Variants in RFK observed in about 807,000 individuals in gnomAD.
RFK encodes 0610038L10Rik.
Under a neutral mutation model 17.6 loss-of-function variants are expected in RFK, and 4 were observed. That is an observed-to-expected ratio of 0.23 (90% confidence interval 0.11 to 0.52). RFK has a LOEUF of 0.52. Ranked by LOEUF, RFK falls within the 20% of genes least tolerant of loss-of-function variation. The probability of loss-of-function intolerance (pLI) is 0.96; values close to 1 mark genes in which losing one functional copy is unlikely to be tolerated. For missense variants in RFK, 189 were observed against 187.7 expected (o/e 1.01, Z -0.04); for synonymous variants, 59 against 63.8 (o/e 0.92, Z 0.36).
At chr9:76,391,086 G>A (rs1822814347) in intron 2 of RFK, among the ~76,000 whole-genome samples, 1 of 152,150 alleles carries the variant, frequency 6.6e-6, no homozygotes, top group Non-Finnish European at 1.5e-5. Flanking sequence ...TCATTCAACA[G>A]AATGGTATTT....
At position 76,389,759 on chromosome 9, in the gene RFK, G is replaced by A. The variant is rs1167535347; in HGVS notation, c.235-1103C>T. Among the ~76,000 whole-genome samples, 5 of 152,104 alleles carry A rather than the reference G, an allele frequency of 3.3e-5. No individual in the cohort carries two copies. In the South Asian group the frequency reaches 8.3e-4, roughly 25 times the overall value. On this transcript the variant is annotated intron_variant, in intron 2 of 3. Transcript: ENST00000376736. ...ACTCTAGCCTTGGCGACAGAGCGAA[G>A]ACTCCATCTCAAAAAAAAATTTAAA... is the stretch of plus-strand genomic sequence containing the variant.
intron 1 of RFK, among the ~76,000 whole-genome samples, chr9:76,392,993 G>A (rs1035810117): frequency 5.3e-5 from 8 of 152,142 alleles, no homozygotes; most frequent in African/African-American, 1.9e-4. Context: ...AACTTTGCCT[G>A]TAAGTATCAA....
intron 1 of RFK, 190 bp downstream of exon 1, chr9:76,393,900 G>T: frequency 1.7e-6 from 1 of 575,664 alleles, no homozygotes; most frequent in East Asian, 3.2e-5. Context: ...CTCGGAGCCA[G>T]AAGCAGGGAC....
chr9:76,388,327 T>C (rs2131553345), intron 3 of RFK: 1 of 625,320 alleles, frequency 1.6e-6, no homozygotes, highest in Admixed American at 2.2e-5. Context: ...TATGTGACTT[T>C]GAGAATGTTA....
In RFK at chr9:76,386,324, T is replaced by C. The variant is rs1315916269; in HGVS notation, c.*1075A>G. On this transcript the variant is annotated 3_prime_UTR_variant, in exon 4 of 4. Coordinates refer to ENST00000376736, the MANE Select transcript of RFK (RefSeq NM_018339.6). ...CAACTACACCCATTTAGATTTGCCT[T>C]GGAATATAATTTCAAGGCCTTAAAT... The C allele has an allele frequency of 1.3e-5, 2 of 152,202 alleles. No individual in the cohort carries two copies. Among genetic ancestry groups the C allele is most frequent in the East Asian group, 1.9e-4 (1 of 5,198 alleles). 9.4% of individuals were successfully genotyped at this position (152,202 alleles called of 1,614,324 possible).
chr9:76,394,190 A>G lies in RFK; in HGVS notation c.-19T>C, dbSNP rs2490582. The G allele has an allele frequency of 6.3e-7, 1 of 1,580,966 alleles. No homozygotes were observed. The highest frequency in any genetic ancestry group is 1.3e-5 in the African/African-American group (1 of 74,086). On this transcript the variant is annotated 5_prime_UTR_variant, in exon 1 of 4. Coordinates refer to ENST00000376736, the MANE Select transcript of RFK (RefSeq NM_018339.6). ...GCCTCATAATGCAGTCCGCTCGGGG[A>G]ATGGGCTGCGGCCCGGTCTGCGCGT... is the stretch of plus-strand genomic sequence containing the variant.
intron 2 of RFK, among the ~76,000 whole-genome samples, chr9:76,391,976 C>T (rs908084155): frequency 1.3e-5 from 2 of 151,414 alleles, no homozygotes; most frequent in Non-Finnish European, 2.9e-5. Flanking sequence ...GTTCTGTATG[C>T]TATTGAAATT....
In RFK at chr9:76,385,881, G is replaced by A. The variant is rs1013072762; in HGVS notation, c.*1518C>T. On this transcript the variant is annotated 3_prime_UTR_variant, in exon 4 of 4. Transcript: ENST00000376736. ...TATAAGATTTCTAAAATTAAAAACT[G>A]TTTTTGACATATTTTTATAAAGAAA... is the stretch of plus-strand genomic sequence containing the variant. 6 of 152,234 alleles carry A rather than the reference G, an allele frequency of 3.9e-5. No individual in the cohort carries two copies. Among genetic ancestry groups the A allele is most frequent in the African/African-American group, 1.4e-4 (6 of 41,546 alleles). The allele number at this position is 152,234 out of a possible 1,614,324, so 9.4% of individuals were successfully genotyped here.
chr9:76,389,402 G>A (rs1457187572), intron 2 of RFK, among the ~76,000 whole-genome samples: 2 of 152,146 alleles, frequency 1.3e-5, no homozygotes, highest in Admixed American at 1.3e-4. Flanking sequence ...CCATGACTTT[G>A]GGGCTATGAA....
chr9:76,392,427 C>G lies in RFK; in HGVS notation c.225G>C (p.Lys75Asn), dbSNP rs1409885260. Reference sequence around the variant, plus strand: ...AAAATATAATGCTTACCATAGACTTCTTCGTATTCTTGTAATATGGGTTCC... The same window carrying G: ...AAAATATAATGCTTACCATAGACTTGTTCGTATTCTTGTAATATGGGTTCC... The part of the protein sequence containing the change: ...IGWNPYYKNT[K>N]KSMETHIMHT... The change falls in exon 2 of 4, where the codon AAG becomes AAC. Residue 75 changes from lysine to asparagine, a missense_variant. Physicochemically the swap from Lys to Asn is moderately conservative, Grantham distance 94. This residue lies in a region of RFK where 95 missense variants were observed against 95.7 expected (regional missense o/e 0.99). Transcript: ENST00000376736. 6.2e-7 allele frequency: 1 copy of G among 1,613,974 alleles called. No homozygotes were observed. The highest frequency in any genetic ancestry group is 1.7e-5 in the Admixed American group (1 of 59,998).
intron 1 of RFK, 78 bp downstream of exon 1, chr9:76,394,012 G>T: frequency 7.1e-7 from 1 of 1,404,762 alleles, no homozygotes; most frequent in Non-Finnish European, 9.7e-7. Flanking sequence ...CCACGCCCCG[G>T]TCCCAAGTCC....
chr9:76,386,419 T>C lies in RFK; in HGVS notation c.*980A>G, dbSNP rs1459712522. On this transcript the variant is annotated 3_prime_UTR_variant, in exon 4 of 4. Coordinates refer to ENST00000376736, the MANE Select transcript of RFK (RefSeq NM_018339.6). ...AAATAGTTTTGCTAGGGAGGAAACA[T>C]TTTGTGTTCTTTAAGAAATTGATAT... 6.6e-6 allele frequency: 1 copy of C among 152,198 alleles called. No homozygotes were observed. Among genetic ancestry groups the C allele is most frequent in the Admixed American group, 6.5e-5 (1 of 15,282 alleles). 9.4% of individuals were successfully genotyped at this position (152,198 alleles called of 1,614,324 possible). A position where few individuals can be genotyped will look rare whatever the true frequency, so the allele number is the denominator to read the frequency against.
intron 2 of RFK, 28 bp downstream of exon 2, chr9:76,392,390 C>T (rs771271631): frequency 9.9e-6 from 16 of 1,610,494 alleles, no homozygotes; most frequent in Admixed American, 1.7e-5. Flanking sequence ...ATACCATTTT[C>T]GGTTACAGAG....
chr9:76,392,234 T>C (rs958225593), intron 2 of RFK, among the ~76,000 whole-genome samples, 184 bp downstream of exon 2: 1 of 152,216 alleles, frequency 6.6e-6, no homozygotes, highest in Admixed American at 6.5e-5. Flanking sequence ...TCCCTCCTTA[T>C]CAGAAATTAC....
chr9:76,390,153 T>G (rs1160772958), intron 2 of RFK, among the ~76,000 whole-genome samples: 3 of 152,222 alleles, frequency 2.0e-5, no homozygotes, highest in Non-Finnish European at 2.9e-5. Flanking sequence ...ATGAATAGGC[T>G]GGGTCAATTC....
chr9:76,392,267 T>G, intron 2 of RFK, 151 bp downstream of exon 2: 1 of 699,652 alleles, frequency 1.4e-6, no homozygotes, highest in Non-Finnish European at 2.3e-6. Flanking sequence ...TGAATTAAAC[T>G]CTCCAATTAA....
chr9:76,387,298 G>T lies in RFK; in HGVS notation c.*101C>A. 1 of 1,086,092 alleles carries T rather than the reference G, an allele frequency of 9.2e-7. No homozygotes were observed. The highest frequency in any genetic ancestry group is 1.3e-6 in the Non-Finnish European group (1 of 747,140). The allele number at this position is 1,086,092 out of a possible 1,614,324, so 67.3% of individuals were successfully genotyped here. ...CGGTTTAAACTAATTCACAACTGTA[G>T]TAAAGTGTTTGATTTTCAGTATATA... On this transcript the variant is annotated 3_prime_UTR_variant, in exon 4 of 4. Transcript: ENST00000376736.
chr9:76,388,643 A>G lies in RFK; in HGVS notation c.248T>C (p.Met83Thr), dbSNP rs773731982. 1.9e-6 allele frequency: 3 copies of G among 1,605,892 alleles called. No homozygotes were observed. The highest frequency in any genetic ancestry group is 2.2e-5 in the South Asian group (2 of 90,818). ...ATAGAAGTCCTCTTTGAAGGTATGCATGATATGTGTTTCCTATAGTCAAGA... is the reference window on the plus strand; with the variant it reads ...ATAGAAGTCCTCTTTGAAGGTATGCGTGATATGTGTTTCCTATAGTCAAGA... ...NTKKSMETHI[M>T]HTFKEDFYGE... The change falls in exon 3 of 4, where the codon ATG (methionine) becomes ACG (threonine). Residue 83 changes from methionine (M) to threonine (T), a missense_variant. By Grantham distance (81) the Met-to-Thr change is moderately conservative. Coordinates refer to ENST00000376736, the MANE Select transcript of RFK (RefSeq NM_018339.6).
At chr9:76,388,259 A>C in intron 3 of RFK, 1 of 531,350 alleles carries the variant, frequency 1.9e-6, no homozygotes, top group Non-Finnish European at 3.6e-6. Context: ...CATTAACTTC[A>C]TACCGCTGGA....
Sources: allele counts gnomAD v4.1 joint callset (sites outside exome capture counted in the v4.1 genomes callset), GRCh38; gene constraint gnomAD v4.1.1; regional missense constraint gnomAD v4.1.1; transcripts MANE v1.5; gene names NCBI Gene and HGNC (gene_info 2026-07-23, HGNC 2026-07-21).